Variants in MSI2 observed in about 807,000 individuals in gnomAD.
The protein encoded by MSI2 is RNA-binding protein Musashi homolog 2.
Under a neutral mutation model 45.6 loss-of-function variants are expected in MSI2, and 17 were observed. The observed-to-expected ratio is 0.37, with a 90% CI of 0.26 to 0.56. The LOEUF (loss-of-function observed/expected upper bound fraction) is 0.56, where lower values mean the gene tolerates loss of function less well. MSI2 is among the 20% of genes least tolerant of loss of function. The pLI is 0.77. For synonymous variants in MSI2, 156 were observed against 158.2 expected, an observed-to-expected ratio of 0.99 and a Z score of 0.11; for missense variants, 293 against 444.2, an observed-to-expected ratio of 0.66 and a Z score of 3.06.
In MSI2 at chr17:57,683,864, T is replaced by TAC. The variant is rs896714844; in HGVS notation, c.*4351_*4352dup. Reference sequence around the variant, plus strand: ...TCAGCCCCGTCCTGGGCACAGACACTACACAAGGAGACGCTGGAAGTTAAG... The same window carrying TAC: ...TCAGCCCCGTCCTGGGCACAGACACTACACACAAGGAGACGCTGGAAGTTAAG... On this transcript the variant is annotated 3_prime_UTR_variant, in exon 14 of 14. Transcript: ENST00000284073. This position sits in a 1 kb window ranked among gnomAD's most constrained non-coding sequence, Gnocchi z 5.2. The TAC allele has an allele frequency of 1.7e-5, 4 of 231,814 alleles. No homozygotes were observed. The highest frequency in any genetic ancestry group is 8.8e-5 in the African/African-American group (4 of 45,208). The allele number at this position is 231,814 out of a possible 1,614,324, so 14.4% of individuals were successfully genotyped here.
rs765095480 is a variant in MSI2, at chr17:57,627,247, C to T, written c.671C>T (p.Ala224Val). Reference sequence around the variant, plus strand: ...GTTCAAGGATATCCCAACTTCGTGGCGACCTATGGCCGTGGCTACCCCGGA... The same window carrying T: ...GTTCAAGGATATCCCAACTTCGTGGTGACCTATGGCCGTGGCTACCCCGGA... Reference protein sequence around the residue: ...MGMLGYPNFVATYGRGYPGFA... With the variant: ...MGMLGYPNFVVTYGRGYPGFA... Residue 224 changes from alanine to valine, a missense_variant, in exon 10 of 14, where the codon GCG (alanine) becomes GTG (valine). Transcript: ENST00000284073. The surrounding 1 kb of genome is among the most constrained non-coding windows in gnomAD (Gnocchi z 4.6). 3.7e-6 allele frequency: 6 copies of T among 1,614,060 alleles called. No individual in the cohort carries two copies. The highest frequency in any genetic ancestry group is 4.2e-6 in the Non-Finnish European group (5 of 1,180,040).
In MSI2 at chr17:57,616,071, C is replaced by T; in HGVS notation, c.639C>T (p.Gly213=). The part of the protein sequence containing the change: ...LPYTMDAFML[G]MGMLGYPNFV... ...ACACCATGGACGCGTTCATGCTTGGCATGGGGATGCTGGGTGAGTCTGGAC... is the reference window on the plus strand; with the variant it reads ...ACACCATGGACGCGTTCATGCTTGGTATGGGGATGCTGGGTGAGTCTGGAC... The change falls in exon 9 of 14, where the codon GGC becomes GGT. Residue 213 remains glycine (G), a synonymous_variant. Coordinates refer to ENST00000284073, the MANE Select transcript of MSI2 (RefSeq NM_138962.4). 6.2e-7 allele frequency: 1 copy of T among 1,613,782 alleles called. No homozygotes were observed. The highest frequency in any genetic ancestry group is 8.5e-7 in the Non-Finnish European group (1 of 1,179,788).
chr17:57,298,499 C>T (rs1285786344), intron 5 of MSI2, among the ~76,000 whole-genome samples: 1 of 152,042 alleles, frequency 6.6e-6, no homozygotes, highest in East Asian at 1.9e-4. Context: ...CCAGCCTGGC[C>T]AACATGGTGA....
At chr17:57,296,405 G>A (rs777436739) in intron 5 of MSI2, among the ~76,000 whole-genome samples, 1 of 152,106 alleles carries the variant, frequency 6.6e-6, no homozygotes. Flanking sequence ...AGGCCAGGGT[G>A]GTGGCTGCTT....
chr17:57,257,429 C>G, intron 2 of MSI2, 37 bp from the exon 3 acceptor site: 1 of 1,129,258 alleles, frequency 8.9e-7, no homozygotes, highest in Non-Finnish European at 1.3e-6. Context: ...TCCACACCTT[C>G]TCTCCCCCCC....
At chr17:57,389,956 G>T (rs2083757030) in intron 5 of MSI2, among the ~76,000 whole-genome samples, 1 of 152,020 alleles carries the variant, frequency 6.6e-6, no homozygotes, top group Admixed American at 6.6e-5. Context: ...AGAATCTGAA[G>T]GCCAGGCATG....
At chr17:57,694,295 G>A in the MSI2 span, among the ~76,000 whole-genome samples, 39 of 152,130 alleles carry the variant, frequency 2.6e-4, no homozygotes, top group Admixed American at 1.4e-3. Flanking sequence ...AATTCCTCTA[G>A]CATTTTCTTA....
intron 11 of MSI2, among the ~76,000 whole-genome samples, chr17:57,661,010 C>T (rs1395614721): frequency 2.0e-5 from 3 of 152,218 alleles, no homozygotes; most frequent in East Asian, 1.9e-4. Context: ...GGATTCAAGA[C>T]GCAGGACTGA....
Position 57,682,098 on chromosome 17 carries a change from TA to T in MSI2, c.*2589del, listed in dbSNP as rs895858607. On this transcript the variant is annotated 3_prime_UTR_variant, in exon 14 of 14. Transcript: ENST00000284073. ...TGATAGGTATAACATAATTAAGGTT[TA>T]AAAAAAATTAGACATAGTTATTCAG... The T allele has an allele frequency of 5.3e-4, 107 of 200,046 alleles. No homozygotes were observed. The highest frequency in any genetic ancestry group is 2.2e-3 in the African/African-American group (96 of 43,648). The allele number at this position is 200,046 out of a possible 1,614,324, so 12.4% of individuals were successfully genotyped here. A position where few individuals can be genotyped will look rare whatever the true frequency, so the allele number is the denominator to read the frequency against.
intron 9 of MSI2, among the ~76,000 whole-genome samples, chr17:57,623,141 C>T (rs1263772918): frequency 2.6e-5 from 4 of 152,190 alleles, no homozygotes; most frequent in South Asian, 2.1e-4. Context: ...TTAGCCTTCG[C>T]GTCCTTGCCT....
chr17:57,630,403 T>A (rs1343280526), intron 10 of MSI2: 1 of 152,274 alleles, frequency 6.6e-6, no homozygotes, highest in Non-Finnish European at 1.5e-5. Flanking sequence ...TATTTTTCCA[T>A]CCTTCCCACC....
downstream of MSI2, among the ~76,000 whole-genome samples, chr17:57,688,443 A>G (rs765984): frequency 0.2 from 30,574 of 152,016 alleles, 3,453 homozygotes; most frequent in East Asian, 0.5. Context: ...AGGTATATGC[A>G]TTATAATAAT....
chr17:57,681,820 A>T lies in MSI2; in HGVS notation c.*2303A>T, dbSNP rs574746061. The T allele has an allele frequency of 4.8e-5, 6 of 124,484 alleles. No homozygotes were observed. Among genetic ancestry groups the T allele is most frequent in the South Asian group, 2.7e-4 (1 of 3,750 alleles). 7.7% of individuals were successfully genotyped at this position (124,484 alleles called of 1,614,324 possible). A position where few individuals can be genotyped will look rare whatever the true frequency, so the allele number is the denominator to read the frequency against. On this transcript the variant is annotated 3_prime_UTR_variant, in exon 14 of 14. Coordinates refer to ENST00000284073, the MANE Select transcript of MSI2 (RefSeq NM_138962.4). ...AAACAACAAAACATAAGTTTTATTT[A>T]AAAAAAAAAAAAGAAAGAAAAAATA...
At chr17:57,433,655 G>A (rs905908452) in intron 6 of MSI2, among the ~76,000 whole-genome samples, 9 of 152,214 alleles carry the variant, frequency 5.9e-5, no homozygotes, top group African/African-American at 2.2e-4. Context: ...GTGCAGGAAT[G>A]TTCTCACTGT....
At chr17:57,462,993 C>T (rs2085260241) in intron 6 of MSI2, among the ~76,000 whole-genome samples, 1 of 152,238 alleles carries the variant, frequency 6.6e-6, no homozygotes, top group South Asian at 2.1e-4. Context: ...TCAGTGGAGG[C>T]CATGGGGCCC....
chr17:57,437,660 C>T (rs1178724222), intron 6 of MSI2, among the ~76,000 whole-genome samples: 1 of 151,844 alleles, frequency 6.6e-6, no homozygotes, highest in African/African-American at 2.4e-5. Flanking sequence ...GGCTTGTTAA[C>T]AAGACAAAAA....
chr17:57,599,568 G>A (rs868757584), intron 8 of MSI2, among the ~76,000 whole-genome samples: 2 of 152,210 alleles, frequency 1.3e-5, no homozygotes, highest in Admixed American at 6.5e-5. Flanking sequence ...GCACGTAACC[G>A]GGTTTTTAGT....
At chr17:57,352,885 A>G (rs1253097005) in intron 5 of MSI2, among the ~76,000 whole-genome samples, 3 of 152,196 alleles carry the variant, frequency 2.0e-5, no homozygotes, top group African/African-American at 7.2e-5. Flanking sequence ...GCACTGAGCA[A>G]TTTCACAGGG....
chr17:57,387,878 G>C lies in MSI2; in HGVS notation c.313-13501G>C, dbSNP rs78902349. 3.6e-3 allele frequency among the ~76,000 whole-genome samples: 552 copies of C among 152,322 alleles called. 4 individuals are homozygous for C. Among genetic ancestry groups the C allele is most frequent in the African/African-American group, 0.013 (533 of 41,570 alleles). ...ACTTAATTGTGTGCCTGTCATTGCA[G>C]TCCATTCCAAATAAGCATGTTTCAT... On this transcript the variant is annotated intron_variant, in intron 5 of 13. Coordinates refer to ENST00000284073, the MANE Select transcript of MSI2 (RefSeq NM_138962.4).
Sources: gnomAD v4.1 joint callset for allele counts (sites outside exome capture counted in the v4.1 genomes callset) on GRCh38, gnomAD v4.1.1 for gene constraint, Gnocchi (gnomAD v3.1) non-coding constraint, MANE v1.5 for transcripts, NCBI Gene and HGNC (gene_info 2026-07-23, HGNC 2026-07-21) for gene names.